ACSBG1: variants seen among roughly 807,000 people sequenced by gnomAD.
The protein encoded by ACSBG1 is long-chain-fatty-acid--CoA ligase ACSBG1.
In ACSBG1, 39 loss-of-function variants were observed where a neutral mutation model predicts 80.2. That is an observed-to-expected ratio of 0.49 (90% CI 0.38 to 0.64). The LOEUF is 0.64. Among genes scored for constraint, ACSBG1 ranks in the 30% least tolerant of loss-of-function variants. The pLI, the probability that ACSBG1 is intolerant of heterozygous loss-of-function variation, is 0.00. For synonymous variants in ACSBG1, 392 were observed against 379.5 expected (o/e 1.03, Z -0.38); for missense variants, 828 against 966.4 (o/e 0.86, Z 1.90).
At position 78,169,982 on chromosome 15, in the gene ACSBG1, C is replaced by T. The variant is rs2074799949; in HGVS notation, c.*1462G>A. 1.3e-5 allele frequency: 2 copies of T among 152,240 alleles called. No individual in the cohort carries two copies. The highest frequency in any genetic ancestry group is 4.8e-5 in the African/African-American group (2 of 41,442). 9.4% of individuals were successfully genotyped at this position (152,240 alleles called of 1,614,324 possible). A position where few individuals can be genotyped will look rare whatever the true frequency, so the allele number is the denominator to read the frequency against. ...TTGGGATGCTATTAATTTTGTATTTCAGCAACTGCCCCTTCTCCTATCCCA... is the reference window on the plus strand; with the variant it reads ...TTGGGATGCTATTAATTTTGTATTTTAGCAACTGCCCCTTCTCCTATCCCA... On this transcript the variant is annotated 3_prime_UTR_variant, in exon 14 of 14. Coordinates refer to ENST00000258873, the MANE Select transcript of ACSBG1 (RefSeq NM_015162.5).
At position 78,168,257 on chromosome 15, in the gene ACSBG1, T is replaced by TA. The variant is rs35284793; in HGVS notation, c.*3186dup. 9,799 of 146,444 alleles carry TA rather than the reference T, an allele frequency of 0.067. 423 individuals are homozygous for TA. Among genetic ancestry groups the TA allele is most frequent in the South Asian group, 0.19 (865 of 4,580 alleles). The allele number at this position is 146,444 out of a possible 1,614,324, so 9.1% of individuals were successfully genotyped here. On this transcript the variant is annotated 3_prime_UTR_variant, in exon 14 of 14. Transcript: ENST00000258873. ...GGCCACATAGTGAGACCCCGTCTCTTAAAAAAAAAAAAAAGAGTTAATGAT... is the reference window on the plus strand; with the variant it reads ...GGCCACATAGTGAGACCCCGTCTCTTAAAAAAAAAAAAAAAGAGTTAATGAT...
At chr15:78,186,968 A>T (rs1345545059) in intron 5 of ACSBG1, among the ~76,000 whole-genome samples, 1 of 152,236 alleles carries the variant, frequency 6.6e-6, no homozygotes, top group African/African-American at 2.4e-5. Context: ...TCAAATAGAC[A>T]CAATAAAAAA....
intron 12 of ACSBG1, among the ~76,000 whole-genome samples, chr15:78,174,156 C>T (rs1008258038): frequency 8.5e-5 from 13 of 152,270 alleles, no homozygotes; most frequent in South Asian, 8.3e-4. Flanking sequence ...ACTTTGTAGA[C>T]GGGAAAGTGC....
At position 78,208,027 on chromosome 15, in the gene ACSBG1, C is replaced by A; in HGVS notation, c.207G>T (p.Val69=). ...HALELSVPEK[V]NNAQWDAPEE... ...CTGGAGCATCCCACTGGGCATTATT[C>A]ACCTTCTCTGGCACTGAGAGCTCGA... The change falls in exon 2 of 14, where the codon GTG becomes GTT. Residue 69 remains valine (V), a synonymous_variant. Transcript: ENST00000258873. 1 of 1,515,996 alleles carries A rather than the reference C, an allele frequency of 6.6e-7. No homozygotes were observed. Among genetic ancestry groups the A allele is most frequent in the Non-Finnish European group, 8.9e-7 (1 of 1,117,452 alleles). The allele number at this position is 1,515,996 out of a possible 1,614,324, so 93.9% of individuals were successfully genotyped here.
chr15:78,217,470 G>A (rs1047404527), intron 1 of ACSBG1, among the ~76,000 whole-genome samples: 6 of 152,162 alleles, frequency 3.9e-5, no homozygotes, highest in Non-Finnish European at 8.8e-5. Flanking sequence ...GGTGGAGCAG[G>A]ATAGGGACAA....
intron 1 of ACSBG1, among the ~76,000 whole-genome samples, chr15:78,211,367 A>C (rs892487919): frequency 6.6e-5 from 10 of 152,218 alleles, no homozygotes; most frequent in Non-Finnish European, 1.2e-4. Context: ...GGCGGAAGTC[A>C]CCTAACATGA....
chr15:78,212,985 C>T (rs550103800), intron 1 of ACSBG1, among the ~76,000 whole-genome samples: 1 of 152,314 alleles, frequency 6.6e-6, no homozygotes, highest in African/African-American at 2.4e-5. Context: ...GCAGAGACTT[C>T]TGGCTACCAT....
intron 5 of ACSBG1, 59 bp downstream of exon 5, chr15:78,193,447 G>A: frequency 6.4e-7 from 1 of 1,558,248 alleles, no homozygotes. Context: ...GTGAGTTGGA[G>A]TGGAGGTGCA....
intron 1 of ACSBG1, among the ~76,000 whole-genome samples, chr15:78,215,784 A>G (rs574539632): frequency 1.9e-4 from 26 of 136,288 alleles, no homozygotes; most frequent in Admixed American, 4.4e-4. Context: ...GAAAGAAAGA[A>G]AGAGAAAGAA....
chr15:78,233,811 G>A (rs2075469758), intron 1 of ACSBG1, among the ~76,000 whole-genome samples: 1 of 152,228 alleles, frequency 6.6e-6, no homozygotes. Context: ...GCCTGGGCCA[G>A]GGTGGGCATT....
intron 5 of ACSBG1, among the ~76,000 whole-genome samples, chr15:78,185,188 A>T (rs897870320): frequency 2.1e-4 from 32 of 152,156 alleles, no homozygotes; most frequent in African/African-American, 7.7e-4. Flanking sequence ...GACAGGAGAG[A>T]ACTATATAGA....
intron 5 of ACSBG1, among the ~76,000 whole-genome samples, chr15:78,183,619 A>G (rs1360460452): frequency 6.6e-6 from 1 of 152,240 alleles, no homozygotes; most frequent in Non-Finnish European, 1.5e-5. Flanking sequence ...GATTGAATTC[A>G]CTGTGTATAG....
chr15:78,181,974 G>C lies in ACSBG1; in HGVS notation c.1066C>G (p.Leu356Val), dbSNP rs1271099043. The C allele has an allele frequency of 6.2e-7, 1 of 1,613,760 alleles. No individual in the cohort carries two copies. Among genetic ancestry groups the C allele is most frequent in the Non-Finnish European group, 8.5e-7 (1 of 1,179,822 alleles). Reference protein sequence around the residue: ...AQVCFAEPDALKGSLVNTLRE... With the variant: ...AQVCFAEPDAVKGSLVNTLRE... ...CACGGTAAAGGCAGACTGACCTTCA[G>C]GGCGTCGGGTTCGGCAAAGCAAACC... Residue 356 changes from leucine (L) to valine (V), a missense_variant, in exon 8 of 14, where the codon CTG becomes GTG. This residue lies in a region of ACSBG1 where 271 missense variants were observed against 375.9 expected (regional missense o/e 0.72). Coordinates refer to ENST00000258873, the MANE Select transcript of ACSBG1 (RefSeq NM_015162.5).
rs2074817910 is a variant in ACSBG1 at position 78,171,261 on chromosome 15, T to G, written c.*183A>C. 3 of 511,040 alleles carry G rather than the reference T, an allele frequency of 5.9e-6. No individual in the cohort carries two copies. In the East Asian group the frequency reaches 9.4e-5, roughly 16 times the overall value. The allele number at this position is 511,040 out of a possible 1,614,324, so 31.7% of individuals were successfully genotyped here. Reference sequence around the variant, plus strand: ...TAAAACTACCCACACGTGAAGCTTCTTGGAATTGTCAGCTATTGTTGGCGT... The same window carrying G: ...TAAAACTACCCACACGTGAAGCTTCGTGGAATTGTCAGCTATTGTTGGCGT... On this transcript the variant is annotated 3_prime_UTR_variant, in exon 14 of 14. Transcript: ENST00000258873.
chr15:78,231,568 G>C lies in ACSBG1; in HGVS notation c.131+2803C>G, dbSNP rs924203590. ...ACCAAAGTGCCAGGATTACAGGTGT[G>C]AGCCACTGTGCCTAGCCTATTTTTT... On this transcript the variant is annotated intron_variant, in intron 1 of 13. Transcript: ENST00000258873. Among the ~76,000 whole-genome samples the C allele has an allele frequency of 2.0e-5, 3 of 152,140 alleles. No individual in the cohort carries two copies. The East Asian group carries it at 5.8e-4, about 29-fold the overall frequency.
At chr15:78,226,785 A>AATATATAT (rs140363906) in intron 1 of ACSBG1, among the ~76,000 whole-genome samples, 12 of 78,450 alleles carry the variant, frequency 1.5e-4, no homozygotes, top group South Asian at 4.0e-4. Flanking sequence ...CACATAGAAA[A>AATATATAT]ATATATATAT....
At chr15:78,193,019 C>A (rs923679625) in intron 5 of ACSBG1, among the ~76,000 whole-genome samples, 1 of 152,108 alleles carries the variant, frequency 6.6e-6, no homozygotes, top group Non-Finnish European at 1.5e-5. Flanking sequence ...GCTCTAGAGG[C>A]ACTCTGAGCT....
At chr15:78,212,450 A>G (rs1470854824) in intron 1 of ACSBG1, 1 of 423,462 alleles carries the variant, frequency 2.4e-6, no homozygotes, top group South Asian at 1.6e-5. Context: ...AAAAAACCCT[A>G]AACCCAAGTC....
intron 5 of ACSBG1, among the ~76,000 whole-genome samples, chr15:78,186,972 T>C (rs903963309): frequency 7.2e-5 from 11 of 151,784 alleles, no homozygotes; most frequent in African/African-American, 2.7e-4. Context: ...ATAGACACAA[T>C]AAAAAATGAT....
Sources: gnomAD v4.1 joint callset for allele counts (sites outside exome capture counted in the v4.1 genomes callset) on GRCh38, gnomAD v4.1.1 for gene constraint, gnomAD v4.1.1 regional missense constraint, MANE v1.5 for transcripts, NCBI Gene and HGNC (gene_info 2026-07-23, HGNC 2026-07-21) for gene names.